Variants in TTC29 observed in about 807,000 individuals in gnomAD.
TTC29 encodes tetratricopeptide repeat domain 29, also known as tetratricopeptide repeat protein 29.
Under a neutral mutation model 58.1 loss-of-function variants are expected in TTC29, and 49 were observed. That is an observed-to-expected ratio of 0.84 (90% CI 0.67 to 1.07). The LOEUF (loss-of-function observed/expected upper bound fraction) is 1.07. TTC29 is among the 50% of genes least tolerant of loss of function. The pLI is 0.00. For synonymous variants in TTC29, 209 were observed against 196.8 expected (o/e 1.06, Z -0.52); for missense variants, 582 against 555.6 (o/e 1.05, Z -0.48).
At chr4:146,835,711 T>G (rs79147994) in intron 8 of TTC29, among the ~76,000 whole-genome samples, 4 of 152,058 alleles carry the variant, frequency 2.6e-5, no homozygotes, top group Non-Finnish European at 5.9e-5. Flanking sequence ...CCCCAGGACT[T>G]AAGCTGTGCT....
chr4:146,752,538 T>C (rs987855794), intron 11 of TTC29, among the ~76,000 whole-genome samples: 1 of 151,612 alleles, frequency 6.6e-6, no homozygotes, highest in Non-Finnish European at 1.5e-5. Flanking sequence ...CTTCACAGAA[T>C]TGGAAAAAAC....
chr4:146,795,747 CT>C (rs1749789316), intron 11 of TTC29, among the ~76,000 whole-genome samples: 1 of 152,094 alleles, frequency 6.6e-6, no homozygotes, highest in African/African-American at 2.4e-5. Context: ...CAGAAGAAAT[CT>C]TATGGACCAA....
chr4:146,884,914 A>T lies in TTC29; in HGVS notation c.587-9986T>A, dbSNP rs200271212. On this transcript the variant is annotated intron_variant, in intron 6 of 12. Transcript: ENST00000325106. ...CATAAAGGAGGCTTTATTGTTAAAA[A>T]TTTTTTAATATGATAGTAATTAAAA... Among the ~76,000 whole-genome samples the T allele has an allele frequency of 2.5e-4, 38 of 152,200 alleles. No individual in the cohort carries two copies. The East Asian group carries it at 6.6e-3, about 26-fold the overall frequency.
intron 11 of TTC29, among the ~76,000 whole-genome samples, chr4:146,768,477 T>C (rs1404362299): frequency 6.6e-6 from 1 of 152,042 alleles, no homozygotes; most frequent in Non-Finnish European, 1.5e-5. Flanking sequence ...ATTCTCTCTT[T>C]ATTACTATAA....
rs757024858 is a variant in TTC29, at chr4:146,903,577, G to C, written c.553C>G (p.His185Asp). Residue 185 changes from histidine (H) to aspartate (D), a missense_variant, in exon 6 of 13, where the codon CAC becomes GAC. By Grantham distance (81) the His-to-Asp change is moderately conservative. Transcript: ENST00000325106. Reference protein sequence around the residue: ...IDCGKKEAEAHMHMGLLYEED... With the variant: ...IDCGKKEAEADMHMGLLYEED... ...TCGTAGAGAAGACCCATATGCATGT[G>C]TGCCTCGGCTTCTTTCTTCCCACAG... 8 of 1,612,138 alleles carry C rather than the reference G, an allele frequency of 5.0e-6. No homozygotes were observed. In the Admixed American group the frequency reaches 1.3e-4, roughly 27 times the overall value.
chr4:146,760,785 A>G (rs1746831731), intron 11 of TTC29, among the ~76,000 whole-genome samples: 2 of 143,058 alleles, frequency 1.4e-5, no homozygotes, highest in Admixed American at 7.2e-5. Context: ...AATACTATAT[A>G]TATATGATGG....
chr4:146,867,545 A>G lies in TTC29; in HGVS notation c.838T>C (p.Leu280=). 1 of 1,556,464 alleles carries G rather than the reference A, an allele frequency of 6.4e-7. No homozygotes were observed. The highest frequency in any genetic ancestry group is 1.4e-5 in the African/African-American group (1 of 73,384). The part of the protein sequence containing the change: ...KKMEAEASYY[L]GLAHLAAEEY... ...TCAGCAGCTAAGTGTGCTAAGCCCA[A>G]GTAGTAAGAGGCTTCCGCTTCCATC... The change falls in exon 8 of 13, where the codon TTG becomes CTG. Residue 280 remains leucine, a synonymous_variant. Transcript: ENST00000325106.
intron 11 of TTC29, among the ~76,000 whole-genome samples, chr4:146,713,111 C>CGTGTTT (rs1742635231): frequency 7.2e-6 from 1 of 139,546 alleles, no homozygotes; most frequent in Non-Finnish European, 1.5e-5. Context: ...GAGAATTGAT[C>CGTGTTT]GTGTGTGTGT....
chr4:146,923,623 C>T (rs529549215), intron 4 of TTC29, among the ~76,000 whole-genome samples: 13 of 151,876 alleles, frequency 8.6e-5, no homozygotes, highest in South Asian at 4.2e-4. Context: ...TGTGAAGAGA[C>T]GCCGCTGTCA....
chr4:146,924,608 A>T (rs73852746), intron 4 of TTC29, among the ~76,000 whole-genome samples: 1 of 151,568 alleles, frequency 6.6e-6, no homozygotes, highest in Non-Finnish European at 1.5e-5. Context: ...TCATTTCCCA[A>T]ATTGGTAAAC....
intron 3 of TTC29, among the ~76,000 whole-genome samples, chr4:146,938,267 A>G (rs1736032994): frequency 6.6e-6 from 1 of 152,162 alleles, no homozygotes; most frequent in Non-Finnish European, 1.5e-5. Context: ...TAAGCATGCT[A>G]TCAACCTCTC....
rs552457021 is a variant in TTC29, at chr4:146,797,122, C to G, written c.1330+6335G>C. ...GAGACTGATGAGCACTGACAACATT[C>G]AGTTCAAATATTGAGCTATGGTGGA... is the stretch of plus-strand genomic sequence containing the variant. On this transcript the variant is annotated intron_variant, in intron 11 of 12. Coordinates refer to ENST00000325106, the MANE Select transcript of TTC29 (RefSeq NM_031956.4). Among the ~76,000 whole-genome samples the G allele has an allele frequency of 9.2e-5, 14 of 152,320 alleles. No homozygotes were observed. In the South Asian group the frequency reaches 2.1e-3, roughly 23 times the overall value.
At chr4:146,738,693 C>T (rs556394546) in intron 11 of TTC29, among the ~76,000 whole-genome samples, 2 of 152,250 alleles carry the variant, frequency 1.3e-5, no homozygotes, top group Non-Finnish European at 2.9e-5. Flanking sequence ...CTCTTCTGCC[C>T]TCCTTTCACC....
intron 11 of TTC29, among the ~76,000 whole-genome samples, chr4:146,722,212 G>C (rs1229537372): frequency 6.6e-6 from 1 of 152,122 alleles, no homozygotes; most frequent in African/African-American, 2.4e-5. Flanking sequence ...TGGATTGGAA[G>C]AATAAATATT....
At chr4:146,728,876 T>TATAC (rs1744110132) in intron 11 of TTC29, among the ~76,000 whole-genome samples, 2 of 36,134 alleles carry the variant, frequency 5.5e-5, no homozygotes, top group South Asian at 3.6e-3. Context: ...TATGTGTGTG[T>TATAC]ATATATATAT....
chr4:146,818,650 C>T (rs1028907364), intron 10 of TTC29, among the ~76,000 whole-genome samples: 7 of 152,156 alleles, frequency 4.6e-5, no homozygotes, highest in Non-Finnish European at 7.3e-5. Context: ...TTTATTGCAG[C>T]AGTATTCACA....
At chr4:146,869,635 G>GTA (rs1730799683) in intron 7 of TTC29, among the ~76,000 whole-genome samples, 2 of 152,054 alleles carry the variant, frequency 1.3e-5, no homozygotes, top group Non-Finnish European at 2.9e-5. Context: ...GTCAAGTGGT[G>GTA]TAACTGTGTT....
chr4:146,792,137 T>A (rs1366556547), intron 11 of TTC29, among the ~76,000 whole-genome samples: 1 of 152,204 alleles, frequency 6.6e-6, no homozygotes, highest in Non-Finnish European at 1.5e-5. Flanking sequence ...AACGACGTAT[T>A]TTCAATGCAG....
chr4:146,792,345 T>C (rs1749520874), intron 11 of TTC29, among the ~76,000 whole-genome samples: 1 of 152,220 alleles, frequency 6.6e-6, no homozygotes, highest in Non-Finnish European at 1.5e-5. Flanking sequence ...CTACCACACC[T>C]GTGCTCTATA....
Sources: gnomAD v4.1 joint callset for allele counts (sites outside exome capture counted in the v4.1 genomes callset) on GRCh38, gnomAD v4.1.1 for gene constraint, MANE v1.5 for transcripts, NCBI Gene and HGNC (gene_info 2026-07-23, HGNC 2026-07-21) for gene names.